MTFR1: variants seen among roughly 807,000 people sequenced by gnomAD.
The protein encoded by MTFR1 is chondrocyte protein with a poly-proline region.
Under a neutral mutation model 38.8 loss-of-function variants are expected in MTFR1, and 28 were observed. That is an observed-to-expected ratio of 0.72 (90% CI 0.53 to 0.99). The LOEUF (loss-of-function observed/expected upper bound fraction) is 0.99. Ranked by LOEUF, MTFR1 falls within the 50% of genes least tolerant of loss-of-function variation. MTFR1 has a pLI of 0.00. For missense variants in MTFR1, 358 were observed against 395.5 expected, an observed-to-expected ratio of 0.91 and a Z score of 0.81; for synonymous variants, 145 against 137.0, an observed-to-expected ratio of 1.06 and a Z score of -0.41.
chr8:65,773,076 G>A (rs528989064), downstream of MTFR1, among the ~76,000 whole-genome samples: 1 of 152,236 alleles, frequency 6.6e-6, no homozygotes, highest in South Asian at 2.1e-4. Flanking sequence ...CTAATGTTTA[G>A]GACAATCAGA....
chr8:65,775,212 T>C (rs899998786), downstream of MTFR1, among the ~76,000 whole-genome samples: 3 of 152,252 alleles, frequency 2.0e-5, no homozygotes, highest in African/African-American at 7.2e-5. Context: ...TTATCTCTTT[T>C]ATTGCAAACA....
chr8:65,663,891 C>T (rs1804294547), intron 1 of MTFR1, among the ~76,000 whole-genome samples: 1 of 150,044 alleles, frequency 6.7e-6, no homozygotes, highest in South Asian at 2.1e-4. Flanking sequence ...GTGGCGCCAC[C>T]TCGGCTCACT....
chr8:65,707,133 G>C lies in MTFR1; in HGVS notation c.641G>C (p.Arg214Pro). The C allele has an allele frequency of 6.3e-7, 1 of 1,588,516 alleles. No homozygotes were observed. Among genetic ancestry groups the C allele is most frequent in the Non-Finnish European group, 8.6e-7 (1 of 1,164,316 alleles). The stretch of plus-strand genomic sequence containing the variant: ...TCTGCTGTTGATCTGATTAAAGAAC[G>C]AAGAGAGAAAAGAGCCAATGCTGGA... ...STSAVDLIKE[R>P]REKRANAGKT... Residue 214 changes from arginine (R) to proline (P), a missense_variant, in exon 6 of 8, where the codon CGA (arginine) becomes CCA (proline). Coordinates refer to ENST00000262146, the MANE Select transcript of MTFR1 (RefSeq NM_014637.4).
intron 4 of MTFR1, among the ~76,000 whole-genome samples, chr8:65,696,250 A>T (rs1239839050): frequency 6.6e-6 from 1 of 152,258 alleles, no homozygotes; most frequent in Non-Finnish European, 1.5e-5. Flanking sequence ...ATAAGGACAT[A>T]GCAGTAGATA....
In MTFR1 at chr8:65,709,345, T is replaced by C. The variant is rs1374370162; in HGVS notation, c.*301T>C. On this transcript the variant is annotated 3_prime_UTR_variant, in exon 8 of 8. Transcript: ENST00000262146. ...AGATTTCACAACACAAAAAGGACAT[T>C]TGTGGATGTTACTGCACATTTTAAA... 1 of 285,464 alleles carries C rather than the reference T, an allele frequency of 3.5e-6. No individual in the cohort carries two copies. The highest frequency in any genetic ancestry group is 4.6e-5 in the Admixed American group (1 of 21,750). 17.7% of individuals were successfully genotyped at this position (285,464 alleles called of 1,614,324 possible). A position where few individuals can be genotyped will look rare whatever the true frequency, so the allele number is the denominator to read the frequency against.
chr8:65,770,989 A>C, exon 4 of MTFR1: 1 of 335,698 alleles, frequency 3.0e-6, no homozygotes, highest in South Asian at 2.4e-5. Flanking sequence ...AAGAAGGCCT[A>C]TGGCAAATCC....
downstream of MTFR1, among the ~76,000 whole-genome samples, chr8:65,711,126 C>G (rs1805933027): frequency 6.6e-6 from 1 of 152,114 alleles, no homozygotes; most frequent in Non-Finnish European, 1.5e-5. Flanking sequence ...CACAGGGTCT[C>G]TGTAGTTTCC....
At position 65,650,066 on chromosome 8, in the gene MTFR1, C is replaced by T. The variant is rs182414423; in HGVS notation, c.-81+5282C>T. The stretch of plus-strand genomic sequence containing the variant: ...GTTGGCCAGACTGGTCTCGAACTCC[C>T]GACCTCAGGTGATCTGCCTACCTCA... On this transcript the variant is annotated intron_variant, in intron 1 of 7. Transcript: ENST00000262146. 4.8e-3 allele frequency among the ~76,000 whole-genome samples: 735 copies of T among 151,798 alleles called. 4 individuals are homozygous for T. The highest frequency in any genetic ancestry group is 0.017 in the African/African-American group (701 of 41,360).
intron 3 of MTFR1, among the ~76,000 whole-genome samples, chr8:65,770,111 CA>C (rs1809005964): frequency 6.9e-6 from 1 of 144,388 alleles, no homozygotes; most frequent in Non-Finnish European, 1.5e-5. Flanking sequence ...TTATTACTTG[CA>C]GTATACTTCT....
chr8:65,773,632 T>C (rs1809174452), downstream of MTFR1, among the ~76,000 whole-genome samples: 1 of 152,260 alleles, frequency 6.6e-6, no homozygotes, highest in Non-Finnish European at 1.5e-5. Flanking sequence ...TTAAAAGGAA[T>C]ATTTAACCCA....
intron 1 of MTFR1, among the ~76,000 whole-genome samples, chr8:65,663,569 A>G (rs909652736): frequency 1.4e-4 from 21 of 151,706 alleles, no homozygotes; most frequent in African/African-American, 4.6e-4. Flanking sequence ...TTAAACAGAT[A>G]CTTCACAAAA....
chr8:65,767,617 G>A (rs1418569310), intron 3 of MTFR1, among the ~76,000 whole-genome samples: 1 of 152,102 alleles, frequency 6.6e-6, no homozygotes, highest in Non-Finnish European at 1.5e-5. Flanking sequence ...TACCCTGGGG[G>A]AATCTGGGGG....
intron 3 of MTFR1, among the ~76,000 whole-genome samples, chr8:65,761,216 C>A (rs1808480057): frequency 6.6e-6 from 1 of 152,166 alleles, no homozygotes; most frequent in Non-Finnish European, 1.5e-5. Context: ...CAGGCACGCA[C>A]CACCATGCCC....
intron 3 of MTFR1, among the ~76,000 whole-genome samples, chr8:65,738,575 G>A (rs561044624): frequency 3.3e-5 from 5 of 152,224 alleles, no homozygotes; most frequent in East Asian, 3.9e-4. Flanking sequence ...GATTACAGGC[G>A]TGCGCCACCA....
At chr8:65,768,865 A>G (rs978517433) in intron 3 of MTFR1, among the ~76,000 whole-genome samples, 1 of 152,214 alleles carries the variant, frequency 6.6e-6, no homozygotes, top group African/African-American at 2.4e-5. Flanking sequence ...AAAATAATAC[A>G]AAAAGGTCAA....
intron 7 of MTFR1, among the ~76,000 whole-genome samples, chr8:65,708,654 C>G (rs550374030): frequency 2.6e-5 from 4 of 152,268 alleles, no homozygotes; most frequent in African/African-American, 9.6e-5. Flanking sequence ...ACCTTTGAAA[C>G]TTCTTAAGAC....
intron 3 of MTFR1, chr8:65,726,854 ATT>A (rs763831257): frequency 4.3e-5 from 58 of 1,342,190 alleles, no homozygotes; most frequent in Non-Finnish European, 7.4e-6. Flanking sequence ...AACAAATTAA[ATT>A]TGTCTTAATC....
chr8:65,687,210 T>C (rs1163500160), intron 3 of MTFR1, among the ~76,000 whole-genome samples: 2 of 152,184 alleles, frequency 1.3e-5, no homozygotes, highest in Non-Finnish European at 2.9e-5. Context: ...ATGTATTGTA[T>C]ATTGAAAATC....
chr8:65,681,261 A>G (rs546816772), intron 2 of MTFR1, among the ~76,000 whole-genome samples: 1 of 152,206 alleles, frequency 6.6e-6, no homozygotes, highest in East Asian at 1.9e-4. Flanking sequence ...CTGGGATTAC[A>G]GGTGTGCACC....
Sources: gnomAD v4.1 joint callset for allele counts (sites outside exome capture counted in the v4.1 genomes callset) on GRCh38, gnomAD v4.1.1 for gene constraint, MANE v1.5 for transcripts, NCBI Gene and HGNC (gene_info 2026-07-23, HGNC 2026-07-21) for gene names.